The following CARMIL1 variants were observed in gnomAD, a reference collection of about 807,000 sequenced individuals.
CARMIL1 encodes F-actin-uncapping protein LRRC16A.
In CARMIL1, 90 loss-of-function variants were observed where a neutral mutation model predicts 177.1. The ratio of observed to expected loss-of-function variants is 0.51; its 90% CI spans 0.43 to 0.61. CARMIL1 has a LOEUF of 0.61. Ranked by LOEUF, CARMIL1 falls within the 20% of genes least tolerant of loss-of-function variation. The probability of loss-of-function intolerance (pLI) is 0.00; values close to 1 mark genes in which losing one functional copy is unlikely to be tolerated. For synonymous variants in CARMIL1, 577 were observed against 606.2 expected, an observed-to-expected ratio of 0.95 and a Z score of 0.71; for missense variants, 1,380 against 1,667.0, an observed-to-expected ratio of 0.83 and a Z score of 3.00.
intron 2 of CARMIL1, among the ~76,000 whole-genome samples, chr6:25,324,006 G>C (rs1464064264): frequency 6.6e-6 from 1 of 152,214 alleles, no homozygotes; most frequent in African/African-American, 2.4e-5. Context: ...ACAGAGAAAA[G>C]AGATAGAGGA....
At chr6:25,438,806 A>G (rs1797463848) in intron 5 of CARMIL1, among the ~76,000 whole-genome samples, 1 of 152,108 alleles carries the variant, frequency 6.6e-6, no homozygotes, top group Non-Finnish European at 1.5e-5. Context: ...AAGCCACTGT[A>G]ACATTTTAGG....
At chr6:25,581,525 C>A in intron 31 of CARMIL1, 86 bp downstream of exon 31, 2 of 1,236,388 alleles carry the variant, frequency 1.6e-6, no homozygotes, top group Non-Finnish European at 2.2e-6. Context: ...AAGTGCTTTG[C>A]ACAAACATGA....
intron 20 of CARMIL1, 83 bp downstream of exon 20, chr6:25,510,845 A>AG: frequency 1.3e-6 from 1 of 768,480 alleles, no homozygotes; most frequent in Non-Finnish European, 2.1e-6. Context: ...TAATGCTGAA[A>AG]TACTTTCAGA....
intron 26 of CARMIL1, among the ~76,000 whole-genome samples, chr6:25,546,669 C>CA (rs58285338): frequency 0.15 from 16,643 of 112,254 alleles, 1,081 homozygotes; most frequent in Non-Finnish European, 0.16. Context: ...ACAACAACAA[C>CA]AAAAAAAAAA....
intron 8 of CARMIL1, among the ~76,000 whole-genome samples, chr6:25,460,695 T>A (rs1037792180): frequency 6.6e-6 from 1 of 152,238 alleles, no homozygotes; most frequent in Non-Finnish European, 1.5e-5. Flanking sequence ...TTTATTAACT[T>A]CTGTTTCTAT....
intron 29 of CARMIL1, among the ~76,000 whole-genome samples, chr6:25,566,482 G>A (rs531019389): frequency 1.5e-4 from 23 of 152,218 alleles, no homozygotes; most frequent in African/African-American, 5.3e-4. Context: ...GGCTGTCTTC[G>A]TGCTGTTTAG....
At chr6:25,508,567 T>C (rs1805145382) in intron 17 of CARMIL1, among the ~76,000 whole-genome samples, 1 of 152,200 alleles carries the variant, frequency 6.6e-6, no homozygotes, top group African/African-American at 2.4e-5. Context: ...ATATCCCAAC[T>C]GAAATTCTCC....
At chr6:25,459,140 C>A (rs1194155175) in intron 8 of CARMIL1, among the ~76,000 whole-genome samples, 1 of 151,358 alleles carries the variant, frequency 6.6e-6, no homozygotes, top group Non-Finnish European at 1.5e-5. Flanking sequence ...AAACTTGATT[C>A]TTTAGAGTTT....
intron 29 of CARMIL1, among the ~76,000 whole-genome samples, chr6:25,566,499 A>G (rs1053293619): frequency 3.9e-5 from 6 of 152,200 alleles, no homozygotes; most frequent in Admixed American, 3.9e-4. Context: ...TTAGGTCACA[A>G]TTCCAGTGTT....
At position 25,606,159 on chromosome 6, in the gene CARMIL1, T is replaced by C; in HGVS notation, c.3733T>C (p.Ser1245Pro). ...ACCCAAAGCGGAAGCAGGCTCCAGGTCTCGGAGCTCATCCAGCACACCTAC... is the reference window on the plus strand; with the variant it reads ...ACCCAAAGCGGAAGCAGGCTCCAGGCCTCGGAGCTCATCCAGCACACCTAC... Reference protein sequence around the residue: ...AEPKAEAGSRSRSSSSTPTSP... With the variant: ...AEPKAEAGSRPRSSSSTPTSP... The change falls in exon 35 of 37, where the codon TCT becomes CCT. Residue 1245 changes from serine to proline, a missense_variant. Transcript: ENST00000329474. 2 of 1,613,914 alleles carry C rather than the reference T, an allele frequency of 1.2e-6. No individual in the cohort carries two copies. The highest frequency in any genetic ancestry group is 1.7e-6 in the Non-Finnish European group (2 of 1,179,866).
At chr6:25,337,652 T>G (rs963704046) in intron 2 of CARMIL1, among the ~76,000 whole-genome samples, 1 of 152,126 alleles carries the variant, frequency 6.6e-6, no homozygotes, top group African/African-American at 2.4e-5. Context: ...ATTGTGATGG[T>G]TGTGGGTCAG....
rs577878730 is a variant in CARMIL1, at chr6:25,586,548, G to A, written c.3006+5109G>A. 1.5e-3 allele frequency among the ~76,000 whole-genome samples: 225 copies of A among 151,774 alleles called. 1 individual carries two copies. The highest frequency in any genetic ancestry group is 2.7e-3 in the Non-Finnish European group (185 of 68,004). ...CAGAGACGCTCCTCACTTCCCAGAC[G>A]GGGTGGCGGCCAGGCAGAGGCTGCA... On this transcript the variant is annotated intron_variant, in intron 31 of 36. Transcript: ENST00000329474.
chr6:25,371,135 G>T (rs538131103), intron 2 of CARMIL1, among the ~76,000 whole-genome samples: 22 of 152,228 alleles, frequency 1.4e-4, no homozygotes, highest in African/African-American at 5.3e-4. Context: ...AGTGTATATA[G>T]ACCACATTTT....
intron 31 of CARMIL1, among the ~76,000 whole-genome samples, chr6:25,587,592 T>C (rs79259846): frequency 0.019 from 2,959 of 152,308 alleles, 80 homozygotes; most frequent in African/African-American, 0.061. Context: ...CTTATATTTG[T>C]TTTTGCTTTT....
At chr6:25,480,414 T>C (rs962420757) in intron 11 of CARMIL1, among the ~76,000 whole-genome samples, 1 of 151,814 alleles carries the variant, frequency 6.6e-6, no homozygotes, top group Non-Finnish European at 1.5e-5. Flanking sequence ...AAATATTCCA[T>C]TTATCTTTAG....
intron 2 of CARMIL1, among the ~76,000 whole-genome samples, chr6:25,350,432 G>A (rs1436802480): frequency 6.6e-6 from 1 of 152,106 alleles, no homozygotes; most frequent in Admixed American, 6.5e-5. Flanking sequence ...CAGCACTGGG[G>A]CCACCGTCTC....
At chr6:25,472,768 G>C in intron 11 of CARMIL1, 1 of 480,306 alleles carries the variant, frequency 2.1e-6, no homozygotes, top group South Asian at 2.6e-5. Context: ...TGTTTTATTA[G>C]TTACATAGTC....
chr6:25,337,496 T>TGTCA (rs1402952688), intron 2 of CARMIL1, among the ~76,000 whole-genome samples: 1 of 152,242 alleles, frequency 6.6e-6, no homozygotes, highest in Non-Finnish European at 1.5e-5. Flanking sequence ...AAAAATTGAA[T>TGTCA]GTCAAGGTAA....
intron 20 of CARMIL1, 137 bp downstream of exon 20, chr6:25,510,899 G>A (rs1805394919): frequency 1.7e-6 from 1 of 599,620 alleles, no homozygotes; most frequent in African/African-American, 1.9e-5. Flanking sequence ...TTTAAAAATG[G>A]AATAAATACA....
Sources: gnomAD v4.1 joint callset for allele counts (sites outside exome capture counted in the v4.1 genomes callset) on GRCh38, gnomAD v4.1.1 for gene constraint, MANE v1.5 for transcripts, NCBI Gene and HGNC (gene_info 2026-07-23, HGNC 2026-07-21) for gene names.